Variants in SDK1 observed in about 807,000 individuals in gnomAD.
The protein encoded by SDK1 is protein sidekick-1.
A neutral mutation model predicts 245.5 loss-of-function variants in SDK1; 157 were observed. That is an observed-to-expected ratio of 0.64 (90% CI 0.56 to 0.73). The LOEUF (loss-of-function observed/expected upper bound fraction) is 0.73, where lower values mean the gene tolerates loss of function less well. Ranked by LOEUF, SDK1 falls within the 30% of genes least tolerant of loss-of-function variation. SDK1 has a pLI of 0.00. For synonymous variants in SDK1, 1,647 were observed against 1,278.5 expected (o/e 1.29, Z -6.15); for missense variants, 3,583 against 3,002.3 (o/e 1.19, Z -4.52).
intron 5 of SDK1, among the ~76,000 whole-genome samples, chr7:3,864,264 C>A (rs1352630147): frequency 6.7e-6 from 1 of 149,824 alleles, no homozygotes; most frequent in Non-Finnish European, 1.5e-5. Context: ...ATCAAGTTTA[C>A]TTCTCTTCTC....
intron 1 of SDK1, among the ~76,000 whole-genome samples, chr7:3,395,323 A>G (rs150480120): frequency 9.4e-4 from 143 of 152,082 alleles, no homozygotes; most frequent in African/African-American, 3.3e-3. Flanking sequence ...TAATTAAAAA[A>G]GATGGCTTAT....
At chr7:3,980,519 C>A (rs571298387) in intron 13 of SDK1, among the ~76,000 whole-genome samples, 25 of 152,344 alleles carry the variant, frequency 1.6e-4, no homozygotes, top group African/African-American at 6.0e-4. Context: ...TGCTTCGACG[C>A]AATCTATCCC....
intron 4 of SDK1, among the ~76,000 whole-genome samples, chr7:3,752,122 A>G (rs1183412944): frequency 6.6e-6 from 1 of 152,170 alleles, no homozygotes; most frequent in African/African-American, 2.4e-5. Flanking sequence ...TTGAACGTAT[A>G]TTGCACTTTT....
chr7:3,475,813 T>G (rs1366938785), intron 1 of SDK1, among the ~76,000 whole-genome samples: 1 of 152,178 alleles, frequency 6.6e-6, no homozygotes, highest in African/African-American at 2.4e-5. Context: ...GGAACTGCAT[T>G]TAAAAATCAC....
chr7:4,113,952 C>A, intron 24 of SDK1, 85 bp from the exon 25 acceptor site: 1 of 1,107,910 alleles, frequency 9.0e-7, no homozygotes, highest in East Asian at 2.4e-5. Flanking sequence ...CGGAGTTGGC[C>A]TCACAGGGCA....
At chr7:4,186,363 C>T (rs1782895218) in intron 35 of SDK1, among the ~76,000 whole-genome samples, 1 of 152,190 alleles carries the variant, frequency 6.6e-6, no homozygotes, top group South Asian at 2.1e-4. Context: ...ACCCCGGCTG[C>T]TGGGACCCCT....
chr7:3,415,940 C>T (rs1243283505), intron 1 of SDK1, among the ~76,000 whole-genome samples: 1 of 152,110 alleles, frequency 6.6e-6, no homozygotes, highest in Non-Finnish European at 1.5e-5. Context: ...ATTGTCTCTG[C>T]TCCCTACCTT....
At chr7:3,317,752 A>T (rs1354043826) in intron 1 of SDK1, among the ~76,000 whole-genome samples, 2 of 152,192 alleles carry the variant, frequency 1.3e-5, no homozygotes, top group African/African-American at 4.8e-5. Flanking sequence ...TAACAGGTGA[A>T]AACATCTCAA....
intron 18 of SDK1, among the ~76,000 whole-genome samples, chr7:4,050,535 A>G (rs774602154): frequency 5.9e-5 from 9 of 152,318 alleles, no homozygotes; most frequent in Admixed American, 2.6e-4. Flanking sequence ...TTCAGACCCA[A>G]TTAGTCCTAG....
chr7:4,044,607 C>T (rs1788881572), intron 17 of SDK1, among the ~76,000 whole-genome samples: 1 of 152,046 alleles, frequency 6.6e-6, no homozygotes, highest in Non-Finnish European at 1.5e-5. Context: ...CCATGCCTGG[C>T]TACTTTTTTT....
At chr7:3,704,757 C>A (rs1208223957) in intron 4 of SDK1, among the ~76,000 whole-genome samples, 3 of 152,124 alleles carry the variant, frequency 2.0e-5, no homozygotes, top group African/African-American at 7.2e-5. Flanking sequence ...GTCATGAATT[C>A]TTTTCCTAGG....
At chr7:3,552,841 C>G (rs569554998) in intron 1 of SDK1, among the ~76,000 whole-genome samples, 1 of 152,320 alleles carries the variant, frequency 6.6e-6, no homozygotes, top group Non-Finnish European at 1.5e-5. Context: ...TCAATAAATT[C>G]AGAAGTGGAA....
rs1034533014 is a variant in SDK1 at position 4,210,096 on chromosome 7, C to G, written c.5473C>G (p.Pro1825Ala). The change falls in exon 38 of 45, where the codon CCT becomes GCT. Residue 1825 changes from proline (P) to alanine (A), a missense_variant. Coordinates refer to ENST00000404826, the MANE Select transcript of SDK1 (RefSeq NM_152744.4). ...STTLNVSWGEPAAANGILQGY... is the reference protein window; with the variant it reads ...STTLNVSWGEAAAANGILQGY... Reference sequence around the variant, plus strand: ...CACGCTCAACGTGTCCTGGGGCGAGCCTGCGGCGGCCAACGGCATCCTGCA... The same window carrying G: ...CACGCTCAACGTGTCCTGGGGCGAGGCTGCGGCGGCCAACGGCATCCTGCA... 3.1e-6 allele frequency: 5 copies of G among 1,610,486 alleles called. No individual in the cohort carries two copies. Among genetic ancestry groups the G allele is most frequent in the Non-Finnish European group, 4.2e-6 (5 of 1,178,644 alleles).
intron 4 of SDK1, among the ~76,000 whole-genome samples, chr7:3,645,362 T>A (rs912185360): frequency 3.9e-5 from 6 of 152,220 alleles, no homozygotes; most frequent in Non-Finnish European, 5.9e-5. Flanking sequence ...TATTTACACT[T>A]TTACAAGGCC....
Position 4,161,200 on chromosome 7 carries a change from G to T in SDK1, c.4730-586G>T. Among the ~76,000 whole-genome samples, 3 of 152,228 alleles carry T rather than the reference G, an allele frequency of 2.0e-5. No individual in the cohort carries two copies. In the South Asian group the frequency reaches 6.2e-4, roughly 32 times the overall value. ...AAGTTTAGTTTGGCTAGAGTGCAGG[G>T]CATGGCCATAGGCAGAGGTCAAACC... On this transcript the variant is annotated intron_variant, in intron 31 of 44. Transcript: ENST00000404826.
intron 4 of SDK1, among the ~76,000 whole-genome samples, chr7:3,645,051 A>G (rs1327128621): frequency 6.6e-6 from 1 of 152,188 alleles, no homozygotes; most frequent in East Asian, 1.9e-4. Context: ...ATAAGTCTGT[A>G]TTAATCTACC....
At chr7:3,464,610 T>C (rs1377481763) in intron 1 of SDK1, among the ~76,000 whole-genome samples, 1 of 152,060 alleles carries the variant, frequency 6.6e-6, no homozygotes, top group East Asian at 1.9e-4. Flanking sequence ...AAAAGCTGTT[T>C]TTTCAAGTCA....
chr7:4,128,177 C>A (rs990959991), intron 26 of SDK1, among the ~76,000 whole-genome samples: 8 of 152,306 alleles, frequency 5.3e-5, no homozygotes, highest in Middle Eastern at 3.4e-3. Flanking sequence ...TGAGCTGTTT[C>A]GGACCCGGCC....
chr7:3,953,817 A>G (rs769651632), intron 7 of SDK1, among the ~76,000 whole-genome samples: 4 of 152,150 alleles, frequency 2.6e-5, no homozygotes, highest in Non-Finnish European at 5.9e-5. Flanking sequence ...TCACTTCTTT[A>G]TGATGTTGAG....
Sources: gnomAD v4.1 joint callset for allele counts (sites outside exome capture counted in the v4.1 genomes callset) on GRCh38, gnomAD v4.1.1 for gene constraint, MANE v1.5 for transcripts, NCBI Gene and HGNC (gene_info 2026-07-23, HGNC 2026-07-21) for gene names.